The following RORA variants were observed in gnomAD, a reference collection of about 807,000 sequenced individuals.
RORA encodes RAR related orphan receptor A.
Under a neutral mutation model 69.5 loss-of-function variants are expected in RORA, and 7 were observed. That is an observed-to-expected ratio of 0.10 (90% CI 0.06 to 0.19). The LOEUF (loss-of-function observed/expected upper bound fraction) is 0.19, where lower values mean the gene tolerates loss of function less well. Ranked by LOEUF, RORA falls within the 10% of genes least tolerant of loss-of-function variation. RORA has a pLI of 1.00. For synonymous variants in RORA, 261 were observed against 240.8 expected, an observed-to-expected ratio of 1.08 and a Z score of -0.78; for missense variants, 457 against 663.0, an observed-to-expected ratio of 0.69 and a Z score of 3.41.
intron 1 of RORA, among the ~76,000 whole-genome samples, chr15:60,691,533 G>T (rs2070825405): frequency 6.6e-6 from 1 of 152,198 alleles, no homozygotes; most frequent in Non-Finnish European, 1.5e-5. Context: ...AAAGCTCCTG[G>T]AAGTGTGTAG....
At chr15:60,562,995 A>G (rs897494692) in intron 2 of RORA, among the ~76,000 whole-genome samples, 7 of 152,176 alleles carry the variant, frequency 4.6e-5, no homozygotes, top group Non-Finnish European at 5.9e-5. Context: ...GGCAACTTCA[A>G]TCTATTCTCC....
intron 2 of RORA, among the ~76,000 whole-genome samples, chr15:60,611,929 TG>T (rs2069102245): frequency 6.6e-6 from 1 of 152,236 alleles, no homozygotes; most frequent in Non-Finnish European, 1.5e-5. Flanking sequence ...TTTAACTTCC[TG>T]GCATTCCGTT....
intron 2 of RORA, among the ~76,000 whole-genome samples, chr15:60,538,265 TC>T (rs1244447343): frequency 6.6e-6 from 1 of 152,142 alleles, no homozygotes; most frequent in Non-Finnish European, 1.5e-5. Context: ...AGTTGGCCCT[TC>T]CAGGTCTCCC....
chr15:60,733,914 CAGAGAGAGAGAGAGAGAGAGAG>C (rs58672002), intron 1 of RORA, among the ~76,000 whole-genome samples: 2 of 101,376 alleles, frequency 2.0e-5, no homozygotes, highest in Non-Finnish European at 4.0e-5. Context: ...AGAATAGGGG[CAGAGAGAGAGAGAGAGAGAGAG>C]AGAGAGAGAG....
chr15:61,063,024 C>A (rs1444448408), intron 1 of RORA, among the ~76,000 whole-genome samples: 2 of 152,158 alleles, frequency 1.3e-5, no homozygotes, highest in Admixed American at 6.5e-5. Flanking sequence ...CAATATAAGG[C>A]ATGAAGAGTG....
chr15:60,953,768 C>T (rs1231366926), intron 1 of RORA, among the ~76,000 whole-genome samples: 37 of 151,562 alleles, frequency 2.4e-4, no homozygotes, highest in Non-Finnish European at 4.3e-4. Flanking sequence ...GTTAGAATGG[C>T]GATCATTAAA....
intron 1 of RORA, among the ~76,000 whole-genome samples, chr15:60,812,526 A>G (rs2072758732): frequency 1.3e-5 from 2 of 152,196 alleles, no homozygotes; most frequent in Admixed American, 1.3e-4. Flanking sequence ...TAAATAAATC[A>G]ATAAATAAAG....
rs35941027 is a variant in RORA, at chr15:60,647,347, C to CA, written c.196+31309dup. Among the ~76,000 whole-genome samples, 37 of 152,336 alleles carry CA rather than the reference C, an allele frequency of 2.4e-4. 1 individual carries two copies. Among genetic ancestry groups the CA allele is most frequent in the Admixed American group, 1.9e-3 (29 of 15,312 alleles). ...GGGTAGTTCCCTGAGCCAGAAAAGACAGAGACTTATGAAGCCCTGCATAGG... is the reference window on the plus strand; with the variant it reads ...GGGTAGTTCCCTGAGCCAGAAAAGACAAGAGACTTATGAAGCCCTGCATAGG... On this transcript the variant is annotated intron_variant, in intron 2 of 10. Transcript: ENST00000335670.
intron 1 of RORA, among the ~76,000 whole-genome samples, chr15:61,173,571 T>C (rs554800432): frequency 6.6e-6 from 1 of 152,340 alleles, no homozygotes; most frequent in South Asian, 2.1e-4. Flanking sequence ...CTTCTAGGTC[T>C]GCACAAAACA....
intron 1 of RORA, among the ~76,000 whole-genome samples, chr15:60,826,224 T>G (rs190537312): frequency 6.6e-6 from 1 of 152,286 alleles, no homozygotes; most frequent in Admixed American, 6.5e-5. Context: ...CTTTTTACAT[T>G]TTCTTTTCTT....
chr15:60,539,864 G>A (rs1042652509), intron 2 of RORA, among the ~76,000 whole-genome samples: 12 of 152,218 alleles, frequency 7.9e-5, no homozygotes, highest in African/African-American at 2.4e-4. Context: ...CTCAGTTGGC[G>A]TAAGGTCCCT....
At chr15:61,056,388 T>A (rs2078096897) in intron 1 of RORA, among the ~76,000 whole-genome samples, 1 of 152,196 alleles carries the variant, frequency 6.6e-6, no homozygotes, top group Non-Finnish European at 1.5e-5. Flanking sequence ...TATCTGGAAC[T>A]CTCTGAATCC....
chr15:61,008,499 T>C (rs1894992354), intron 1 of RORA, among the ~76,000 whole-genome samples: 1 of 152,072 alleles, frequency 6.6e-6, no homozygotes, highest in South Asian at 2.1e-4. Flanking sequence ...AAGAGGGTCA[T>C]GTCTGATACT....
intron 1 of RORA, among the ~76,000 whole-genome samples, chr15:60,819,765 A>ACACACACACACACACACACG (rs2072866836): frequency 4.0e-5 from 5 of 124,340 alleles, no homozygotes; most frequent in African/African-American, 1.1e-4. Context: ...ACACACACAC[A>ACACACACACACACACACACG]CACACACACA....
rs776665317 is a variant in RORA, at chr15:60,627,301, C to A, written c.196+51356G>T. Reference sequence around the variant, plus strand: ...CATTCTGGCCTGTCCAGTTCGAAGACAATGACCCATGATTGACCACGGCAC... The same window carrying A: ...CATTCTGGCCTGTCCAGTTCGAAGAAAATGACCCATGATTGACCACGGCAC... On this transcript the variant is annotated intron_variant, in intron 2 of 10. Transcript: ENST00000335670. The A allele has an allele frequency of 1.3e-4, 204 of 1,614,098 alleles. 1 individual carries two copies. Among genetic ancestry groups the A allele is most frequent in the Admixed American group, 7.0e-4 (42 of 60,010 alleles).
rs151149728 is a variant in RORA at position 60,798,529 on chromosome 15, G to A, written c.167-119843C>T. Among the ~76,000 whole-genome samples the A allele has an allele frequency of 1.3e-4, 19 of 151,968 alleles. No homozygotes were observed. In the East Asian group the frequency reaches 3.5e-3, roughly 28 times the overall value. ...GGAAGAGGAGACAGGGAGCACTGCA[G>A]CAAGGTACCCTAAGCAAGAAGCAAG... is the stretch of plus-strand genomic sequence containing the variant. On this transcript the variant is annotated intron_variant, in intron 1 of 10. Transcript: ENST00000335670.
intron 1 of RORA, among the ~76,000 whole-genome samples, chr15:61,219,721 C>A (rs763765259): frequency 5.9e-5 from 9 of 152,172 alleles, no homozygotes; most frequent in Non-Finnish European, 1.3e-4. Context: ...ATCTCGAACA[C>A]GTTACCTTTG....
At chr15:60,772,219 C>A (rs1429218558) in intron 1 of RORA, among the ~76,000 whole-genome samples, 5 of 152,064 alleles carry the variant, frequency 3.3e-5, no homozygotes, top group Non-Finnish European at 7.4e-5. Flanking sequence ...GCCCCCACCC[C>A]CCTGACAGGC....
intron 2 of RORA, among the ~76,000 whole-genome samples, chr15:60,649,242 A>G (rs985137092): frequency 2.8e-4 from 25 of 88,842 alleles, no homozygotes; most frequent in Admixed American, 4.3e-4. Context: ...TGCTTCCAGG[A>G]AAAAAAAAAA....
Sources: allele counts gnomAD v4.1 joint callset (sites outside exome capture counted in the v4.1 genomes callset), GRCh38; gene constraint gnomAD v4.1.1; transcripts MANE v1.5; gene names NCBI Gene and HGNC (gene_info 2026-07-23, HGNC 2026-07-21).